Variants in KAZN observed in about 807,000 individuals in gnomAD.
KAZN encodes kazrin, periplakin interacting protein.
Under a neutral mutation model 87.4 loss-of-function variants are expected in KAZN, and 40 were observed. The ratio of observed to expected loss-of-function variants is 0.46; its 90% CI spans 0.36 to 0.60. The LOEUF (loss-of-function observed/expected upper bound fraction) is 0.60, where lower values mean the gene tolerates loss of function less well. KAZN is among the 20% of genes least tolerant of loss of function. KAZN has a pLI of 0.00. For missense variants in KAZN, 898 were observed against 1,073.9 expected (o/e 0.84, Z 2.29); for synonymous variants, 466 against 458.3 (o/e 1.02, Z -0.22).
chr1:15,022,197 C>G (rs1448709228), intron 2 of KAZN, among the ~76,000 whole-genome samples: 1 of 152,146 alleles, frequency 6.6e-6, no homozygotes, highest in East Asian at 1.9e-4. Context: ...ACCCCCCTCC[C>G]TCCCATCACT....
At position 14,148,737 on chromosome 1, in the gene KAZN, G is replaced by C. The variant is rs1356236800; in HGVS notation, c.92-31698G>C. ...GCAGATGGGGAATTATGTACATGTG[G>C]ATGGCAGGCTTTGCTTGATGGTGAA... On this transcript the variant is annotated intron_variant, in intron 1 of 16. Coordinates refer to the KAZN transcript ENST00000636203. Among the ~76,000 whole-genome samples, 3 of 152,276 alleles carry C rather than the reference G, an allele frequency of 2.0e-5. No homozygotes were observed. The East Asian group carries it at 5.8e-4, about 29-fold the overall frequency.
At chr1:14,299,483 A>G (rs1187957352) in intron 2 of KAZN, among the ~76,000 whole-genome samples, 1 of 152,212 alleles carries the variant, frequency 6.6e-6, no homozygotes, top group Middle Eastern at 3.2e-3. Flanking sequence ...AGACTGGGCG[A>G]CAGAGCAAGC....
chr1:14,919,240 G>A (rs1013590778), intron 1 of KAZN, among the ~76,000 whole-genome samples: 3 of 152,196 alleles, frequency 2.0e-5, no homozygotes, highest in East Asian at 3.9e-4. Flanking sequence ...GCAGTGGCAC[G>A]ATCTCGGCTC....
Position 14,388,824 on chromosome 1 carries a change from G to A in KAZN, c.249+208232G>A, listed in dbSNP as rs536508754. On this transcript the variant is annotated intron_variant, in intron 2 of 16. Transcript: ENST00000636203. The stretch of plus-strand genomic sequence containing the variant: ...CTTGAGTAATATCCCACAAGCACAG[G>A]CAACCAAAGCAAAAAGGGACAAATA... Among the ~76,000 whole-genome samples, 6 of 152,046 alleles carry A rather than the reference G, an allele frequency of 3.9e-5. No individual in the cohort carries two copies. In the South Asian group the frequency reaches 1.2e-3, roughly 32 times the overall value.
At chr1:14,125,111 T>C (rs1570797641) in intron 1 of KAZN, among the ~76,000 whole-genome samples, 1 of 152,126 alleles carries the variant, frequency 6.6e-6, no homozygotes, top group African/African-American at 2.4e-5. Flanking sequence ...GCAGGTCTTC[T>C]CCATCTCAGC....
chr1:14,763,964 G>T (rs1644813385), intron 1 of KAZN, among the ~76,000 whole-genome samples: 1 of 152,048 alleles, frequency 6.6e-6, no homozygotes, highest in South Asian at 2.1e-4. Context: ...GGCCAGGATG[G>T]TGTCCAACTC....
At chr1:14,215,637 G>A (rs974544795) in intron 2 of KAZN, among the ~76,000 whole-genome samples, 2 of 152,276 alleles carry the variant, frequency 1.3e-5, no homozygotes, top group East Asian at 1.9e-4. Flanking sequence ...ACTGCTATAG[G>A]TCTGGCGCTT....
intron 2 of KAZN, among the ~76,000 whole-genome samples, chr1:15,003,697 A>G (rs993731223): frequency 2.0e-5 from 3 of 152,138 alleles, no homozygotes; most frequent in African/African-American, 7.2e-5. Flanking sequence ...GGGGACGGGC[A>G]TTGCCTTCGG....
intron 1 of KAZN, among the ~76,000 whole-genome samples, chr1:14,891,727 A>G (rs1654741075): frequency 6.6e-6 from 1 of 152,274 alleles, no homozygotes; most frequent in Non-Finnish European, 1.5e-5. Context: ...AAGAAAAGCC[A>G]AAAAAGTATT....
chr1:14,919,541 C>T (rs1326274954), intron 1 of KAZN, among the ~76,000 whole-genome samples: 1 of 152,160 alleles, frequency 6.6e-6, no homozygotes, highest in East Asian at 1.9e-4. Context: ...GTCTTCATAC[C>T]CCCTGGAAAG....
At position 14,378,609 on chromosome 1, in the gene KAZN, G is replaced by T. The variant is rs75284457; in HGVS notation, c.249+198017G>T. On this transcript the variant is annotated intron_variant, in intron 2 of 16. Coordinates refer to the KAZN transcript ENST00000636203. ...GTGAGTGCAGCAATTATGAGACATT[G>T]CATTGAACTCAGTGCTGCCCCGTCA... is the stretch of plus-strand genomic sequence containing the variant. Among the ~76,000 whole-genome samples, 47 of 152,284 alleles carry T rather than the reference G, an allele frequency of 3.1e-4. 4 individuals carry two copies. The East Asian group carries it at 9.1e-3, about 30-fold the overall frequency.
At chr1:14,233,456 A>C (rs556297359) in intron 2 of KAZN, among the ~76,000 whole-genome samples, 1 of 152,284 alleles carries the variant, frequency 6.6e-6, no homozygotes, top group South Asian at 2.1e-4. Context: ...TTCTATATTG[A>C]TTGCTTGGAA....
chr1:14,952,872 C>T (rs923792185), intron 1 of KAZN, among the ~76,000 whole-genome samples: 1 of 152,198 alleles, frequency 6.6e-6, no homozygotes, highest in African/African-American at 2.4e-5. Flanking sequence ...TCATGTAGAA[C>T]CTTCCGGAGA....
chr1:14,301,209 A>G (rs141503412), intron 2 of KAZN, among the ~76,000 whole-genome samples: 1 of 152,310 alleles, frequency 6.6e-6, no homozygotes, highest in East Asian at 1.9e-4. Flanking sequence ...AGCAGCCAAG[A>G]AGACACTCCT....
At chr1:14,390,312 A>C (rs1033114836) in intron 2 of KAZN, among the ~76,000 whole-genome samples, 8 of 152,240 alleles carry the variant, frequency 5.3e-5, no homozygotes, top group African/African-American at 1.7e-4. Flanking sequence ...AATAAGATTA[A>C]GAAAAATGTA....
At chr1:14,057,295 G>A (rs1024922954) in intron 1 of KAZN, among the ~76,000 whole-genome samples, 6 of 151,820 alleles carry the variant, frequency 4.0e-5, no homozygotes, top group Non-Finnish European at 8.8e-5. Context: ...CCACCACACC[G>A]GGCTAATTTT....
rs1456223561 is a variant in KAZN at position 14,624,341 on chromosome 1, G to T, written c.226+25118G>T. On this transcript the variant is annotated intron_variant, in intron 1 of 14. Coordinates refer to ENST00000376030, the MANE Select transcript of KAZN (RefSeq NM_201628.3). ...AGAGGCTGAGGCAGGAGAATCGCTT[G>T]AATCCGGGAGGCGGAGGTTGCAGTG... 2.0e-5 allele frequency among the ~76,000 whole-genome samples: 3 copies of T among 152,116 alleles called. No homozygotes were observed. The East Asian group carries it at 5.8e-4, about 29-fold the overall frequency.
At chr1:14,823,193 G>A (rs905628809) in intron 1 of KAZN, among the ~76,000 whole-genome samples, 5 of 152,168 alleles carry the variant, frequency 3.3e-5, no homozygotes, top group Admixed American at 2.6e-4. Context: ...CTCTGAATCC[G>A]GATTCCTAAT....
At chr1:15,112,360 TG>T in intron 13 of KAZN, 66 bp from the exon 14 acceptor site, 1 of 748,538 alleles carries the variant, frequency 1.3e-6, no homozygotes, top group Non-Finnish European at 2.4e-6. Context: ...TGTGTGTGTG[TG>T]TGTGTGTGTG....
Sources: allele counts gnomAD v4.1 joint callset (sites outside exome capture counted in the v4.1 genomes callset), GRCh38; gene constraint gnomAD v4.1.1; transcripts MANE v1.5; gene names NCBI Gene and HGNC (gene_info 2026-07-23, HGNC 2026-07-21).